Variants in ENPP1 observed in about 807,000 individuals in gnomAD.
The protein encoded by ENPP1 is ectonucleotide pyrophosphatase/phosphodiesterase family member 1.
In ENPP1, 73 loss-of-function variants were observed where a neutral mutation model predicts 122.8. The observed-to-expected ratio is 0.59, with a 90% CI of 0.49 to 0.72. ENPP1 has a LOEUF of 0.72. Among genes scored for constraint, ENPP1 ranks in the 30% least tolerant of loss-of-function variants. ENPP1 has a pLI of 0.00. For missense variants in ENPP1, 978 were observed against 1,128.1 expected, an observed-to-expected ratio of 0.87 and a Z score of 1.91; for synonymous variants, 367 against 391.6, an observed-to-expected ratio of 0.94 and a Z score of 0.74.
chr6:131,882,462 C>T lies in ENPP1; in HGVS notation c.2218C>T (p.Leu740Phe). The change falls in exon 21 of 25, where the codon CTC becomes TTC. Residue 740 changes from leucine to phenylalanine, a missense_variant. Around this residue, in one of 3 missense-constraint regions of ENPP1, gnomAD observed 644 missense variants for 781.5 expected, o/e 0.82. Transcript: ENST00000647893. ...KNNTKVSYGF[L>F]SPPQLNKNSS... ...TAACACCAAAGTGAGTTACGGGTTC[C>T]TCTCCCCACCACGTAAGTTTTTTCC... 1 of 1,607,212 alleles carries T rather than the reference C, an allele frequency of 6.2e-7. No individual in the cohort carries two copies. Among genetic ancestry groups the T allele is most frequent in the Non-Finnish European group, 8.5e-7 (1 of 1,175,936 alleles).
chr6:131,864,811 A>T, intron 10 of ENPP1, 55 bp from the exon 11 acceptor site: 1 of 1,159,062 alleles, frequency 8.6e-7, no homozygotes, highest in South Asian at 1.2e-5. Flanking sequence ...TATTTTTTCC[A>T]TTCTGTTTTT....
At chr6:131,863,232 G>A (rs933854934) in intron 9 of ENPP1, among the ~76,000 whole-genome samples, 2 of 152,044 alleles carry the variant, frequency 1.3e-5, no homozygotes, top group Non-Finnish European at 2.9e-5. Flanking sequence ...AGATATTAAT[G>A]GTACCTCTGG....
rs1172018829 is a variant in ENPP1 at position 131,875,876 on chromosome 6, A to G, written c.1723+13A>G. On this transcript the variant is annotated intron_variant, in intron 17 of 24. Transcript: ENST00000647893. The stretch of plus-strand genomic sequence containing the variant: ...AACTTAATGTGTGGTAAGTGTGAAC[A>G]GGTGCCTTTTTTCCCTTCTGAAAAT... 6.2e-7 allele frequency: 1 copy of G among 1,600,736 alleles called. No individual in the cohort carries two copies. Among genetic ancestry groups the G allele is most frequent in the South Asian group, 1.1e-5 (1 of 90,814 alleles).
intron 1 of ENPP1, among the ~76,000 whole-genome samples, chr6:131,810,339 C>G (rs1207541061): frequency 6.6e-6 from 1 of 152,120 alleles, no homozygotes; most frequent in Non-Finnish European, 1.5e-5. Flanking sequence ...GCTTGGGTGA[C>G]ACGGTGAGAC....
intron 17 of ENPP1, among the ~76,000 whole-genome samples, chr6:131,876,158 T>A (rs532498097): frequency 6.6e-6 from 1 of 152,304 alleles, no homozygotes; most frequent in South Asian, 2.1e-4. Flanking sequence ...GATTTGATTC[T>A]TGACTCAGAG....
chr6:131,859,384 C>CT (rs557550057), intron 7 of ENPP1, among the ~76,000 whole-genome samples: 15,238 of 145,380 alleles, frequency 0.1, 977 homozygotes, highest in South Asian at 0.23. Context: ...CAGAGGCTAC[C>CT]TTTTTTTTTT....
intron 1 of ENPP1, among the ~76,000 whole-genome samples, chr6:131,811,756 C>T (rs181383700): frequency 1.3e-5 from 2 of 152,216 alleles, no homozygotes; most frequent in East Asian, 3.9e-4. Flanking sequence ...GCTCATGTCC[C>T]TCTGGGCCTG....
chr6:131,817,876 G>T (rs1286468684), intron 1 of ENPP1, among the ~76,000 whole-genome samples: 1 of 151,876 alleles, frequency 6.6e-6, no homozygotes, highest in African/African-American at 2.4e-5. Flanking sequence ...ACAGCGAATT[G>T]TCACAAGTGT....
chr6:131,877,221 C>T lies in ENPP1; in HGVS notation c.1893+60C>T, dbSNP rs745417527. On this transcript the variant is annotated intron_variant, in intron 18 of 24. Coordinates refer to ENST00000647893, the MANE Select transcript of ENPP1 (RefSeq NM_006208.3). ...TGGTTTGATAGCACCCTCTGCATAG[C>T]ATGTGCTGTAAAAATACTTAATAAT... 1.2e-5 allele frequency: 18 copies of T among 1,480,404 alleles called. No individual in the cohort carries two copies. The South Asian group carries it at 2.1e-4, about 17-fold the overall frequency. 91.7% of individuals were successfully genotyped at this position (1,480,404 alleles called of 1,614,324 possible).
At chr6:131,886,772 A>G in intron 24 of ENPP1, 48 bp downstream of exon 24, 3 of 1,548,364 alleles carry the variant, frequency 1.9e-6, no homozygotes, top group Non-Finnish European at 2.7e-6. Flanking sequence ...ATCTAGACAT[A>G]TGCATATTTG....
chr6:131,890,278 A>G lies in ENPP1; in HGVS notation c.2608-63A>G, dbSNP rs9493119. 0.061 allele frequency: 78,625 copies of G among 1,288,838 alleles called. 4,648 individuals carry two copies. Among genetic ancestry groups the G allele is most frequent in the African/African-American group, 0.3 (20,275 of 68,356 alleles). The allele number at this position is 1,288,838 out of a possible 1,614,324, so 79.8% of individuals were successfully genotyped here. On this transcript the variant is annotated intron_variant, in intron 24 of 24. Coordinates refer to ENST00000647893, the MANE Select transcript of ENPP1 (RefSeq NM_006208.3). ...AATGATTAAACTGGGGAGATGGAGC[A>G]CTTATAGAAGTGAACTGAGTGTTCT...
chr6:131,825,489 G>C (rs1781535811), intron 1 of ENPP1, among the ~76,000 whole-genome samples: 1 of 152,174 alleles, frequency 6.6e-6, no homozygotes, highest in South Asian at 2.1e-4. Flanking sequence ...CATCCGTAGT[G>C]CTATGCAATG....
intron 12 of ENPP1, among the ~76,000 whole-genome samples, chr6:131,868,363 A>G (rs1444112619): frequency 6.6e-6 from 1 of 152,230 alleles, no homozygotes; most frequent in Non-Finnish European, 1.5e-5. Context: ...GCTAAAAAAT[A>G]TATATTTTCA....
intron 1 of ENPP1, among the ~76,000 whole-genome samples, chr6:131,834,807 CCTT>C (rs1416351462): frequency 6.6e-6 from 1 of 152,092 alleles, no homozygotes; most frequent in African/African-American, 2.4e-5. Context: ...GATCTGCCCT[CCTT>C]GGCCTCCCAA....
Position 131,888,723 on chromosome 6 carries a change from ATC to A in ENPP1, c.2608-1616_2608-1615del, listed in dbSNP as rs569694530. 2.2e-3 allele frequency among the ~76,000 whole-genome samples: 335 copies of A among 152,340 alleles called. 2 individuals carry two copies. The highest frequency in any genetic ancestry group is 0.02 in the Middle Eastern group (6 of 294). ...GATTTTAGTTGGTTGCCTGATGATT[ATC>A]TGACTCCACTGAAAGTTGTCAGTTT... On this transcript the variant is annotated intron_variant, in intron 24 of 24. Coordinates refer to ENST00000647893, the MANE Select transcript of ENPP1 (RefSeq NM_006208.3).
chr6:131,835,226 C>T (rs959936617), intron 1 of ENPP1, among the ~76,000 whole-genome samples: 12 of 152,246 alleles, frequency 7.9e-5, no homozygotes, highest in Admixed American at 3.9e-4. Flanking sequence ...ATCATTCCTG[C>T]TTTCTTAAGC....
chr6:131,884,999 GT>G lies in ENPP1; in HGVS notation c.2381del (p.Val794AlafsTer17). On this transcript the variant is annotated frameshift_variant, in exon 23 of 25. Transcript: ENST00000647893. LOFTEE classifies it high-confidence loss of function. ...YAEERNGVNVVSGPVFDFDYD... is the reference protein window; with the variant it reads ...YAEERNGVNVXSGPVFDFDYD... Reference sequence around the variant, plus strand: ...TGAAGAAAGAAATGGTGTCAATGTCGTCAGTGGTCCTGTGTTTGACTTTGAT... The same window carrying G: ...TGAAGAAAGAAATGGTGTCAATGTCGCAGTGGTCCTGTGTTTGACTTTGAT... The G allele has an allele frequency of 6.2e-7, 1 of 1,613,938 alleles. No individual in the cohort carries two copies. The highest frequency in any genetic ancestry group is 1.1e-5 in the South Asian group (1 of 91,072).
Position 131,854,860 on chromosome 6 carries a change from A to G in ENPP1, c.618-66A>G, listed in dbSNP as rs1364489749. ...ACTGGACCTGTGCCAAGAAGGGGGT[A>G]CATCTTCATTGGATATGTCTTGTCT... is the stretch of plus-strand genomic sequence containing the variant. On this transcript the variant is annotated intron_variant, in intron 5 of 24. Transcript: ENST00000647893. 4 of 1,076,524 alleles carry G rather than the reference A, an allele frequency of 3.7e-6. No homozygotes were observed. In the African/African-American group the frequency reaches 6.2e-5, roughly 17 times the overall value. The allele number at this position is 1,076,524 out of a possible 1,614,324, so 66.7% of individuals were successfully genotyped here.
At chr6:131,858,222 G>T (rs1410204723) in intron 6 of ENPP1, among the ~76,000 whole-genome samples, 5 of 152,200 alleles carry the variant, frequency 3.3e-5, no homozygotes, top group African/African-American at 1.2e-4. Context: ...TAAAGCAGCT[G>T]AGTTTGTCCA....
Sources: gnomAD v4.1 joint callset for allele counts (sites outside exome capture counted in the v4.1 genomes callset) on GRCh38, gnomAD v4.1.1 for gene constraint, gnomAD v4.1.1 regional missense constraint, MANE v1.5 for transcripts, NCBI Gene and HGNC (gene_info 2026-07-23, HGNC 2026-07-21) for gene names.